The following DRD2 variants were observed in gnomAD, a reference collection of about 807,000 sequenced individuals.
DRD2 encodes the protein D(2) dopamine receptor.
In DRD2, 8 loss-of-function variants were observed where a neutral mutation model predicts 38.0. That is an observed-to-expected ratio of 0.21 (90% CI 0.12 to 0.38). The LOEUF (loss-of-function observed/expected upper bound fraction) is 0.38, where lower values mean the gene tolerates loss of function less well. Among genes scored for constraint, DRD2 ranks in the 10% least tolerant of loss-of-function variants. DRD2 has a pLI of 1.00. For synonymous variants in DRD2, 230 were observed against 238.6 expected, an observed-to-expected ratio of 0.96 and a Z score of 0.33; for missense variants, 403 against 607.7, an observed-to-expected ratio of 0.66 and a Z score of 3.54.
At chr11:113,444,511 G>A (rs56081662) in intron 1 of DRD2, among the ~76,000 whole-genome samples, 3,037 of 152,298 alleles carry the variant, frequency 0.02, 117 homozygotes, top group African/African-American at 0.068. Context: ...GGCTTCTGCT[G>A]TACTGACTGG....
chr11:113,414,393 T>G lies in DRD2; in HGVS notation c.792A>C (p.Pro264=), dbSNP rs779028640. ...TVIMKSNGSF[P]VNRRRVEAAR... Reference sequence around the variant, plus strand: ...CACTTACCACTCTCCGCCTGTTCACTGGGAAACTCCCATTAGACTTCATGA... The same window carrying G: ...CACTTACCACTCTCCGCCTGTTCACGGGGAAACTCCCATTAGACTTCATGA... The change falls in exon 6 of 8, where the codon CCA becomes CCC. Residue 264 remains proline (P), a synonymous_variant. Transcript: ENST00000362072. 3.1e-6 allele frequency: 5 copies of G among 1,614,090 alleles called. No individual in the cohort carries two copies. In the Admixed American group the frequency reaches 6.7e-5, roughly 22 times the overall value.
intron 1 of DRD2, among the ~76,000 whole-genome samples, chr11:113,429,132 G>A (rs924544226): frequency 7.2e-5 from 11 of 152,154 alleles, no homozygotes; most frequent in African/African-American, 2.2e-4. Context: ...TAATACAAAC[G>A]TAGTATATTT....
Position 113,410,639 on chromosome 11 carries a change from G to A in DRD2, c.*88C>T. On this transcript the variant is annotated 3_prime_UTR_variant, in exon 8 of 8. Transcript: ENST00000362072. ...GTGAAGAGGAGGCCGATCCACCCAGGCCTTCCTGCTCACGGTTCGCAAGGG... is the reference window on the plus strand; with the variant it reads ...GTGAAGAGGAGGCCGATCCACCCAGACCTTCCTGCTCACGGTTCGCAAGGG... 2 of 1,547,616 alleles carry A rather than the reference G, an allele frequency of 1.3e-6. No individual in the cohort carries two copies. The highest frequency in any genetic ancestry group is 1.8e-6 in the Non-Finnish European group (2 of 1,122,174).
intron 4 of DRD2, 81 bp from the exon 5 acceptor site, chr11:113,415,692 C>T: frequency 6.7e-7 from 1 of 1,491,038 alleles, no homozygotes; most frequent in Non-Finnish European, 9.1e-7. Context: ...TCATGTCCTT[C>T]CAGGAACAAG....
Position 113,414,422 on chromosome 11 carries a change from C to T in DRD2, c.763G>A (p.Val255Ile), listed in dbSNP as rs772612900. Residue 255 changes from valine to isoleucine, a missense_variant, in exon 6 of 8, where the codon GTT becomes ATT. This residue lies in a region of DRD2 where 166 missense variants were observed against 178.6 expected (regional missense o/e 0.93). Transcript: ENST00000362072. ...AAACTCCCATTAGACTTCATGATAA[C>T]GGTGCAGAGTTTCATGTCCTCGGGG... ...THPEDMKLCT[V>I]IMKSNGSFPV... 5.0e-6 allele frequency: 8 copies of T among 1,614,084 alleles called. No homozygotes were observed. Among genetic ancestry groups the T allele is most frequent in the Admixed American group, 3.3e-5 (2 of 60,010 alleles).
chr11:113,452,387 C>T (rs987064031), intron 1 of DRD2, among the ~76,000 whole-genome samples: 3 of 151,820 alleles, frequency 2.0e-5, no homozygotes, highest in Non-Finnish European at 4.4e-5. Flanking sequence ...AAGTTTAGCC[C>T]TTGCTTTCCA....
intron 6 of DRD2, chr11:113,413,434 T>C: frequency 2.0e-6 from 1 of 495,284 alleles, no homozygotes; most frequent in Non-Finnish European, 4.1e-6. Context: ...CCTGCTGGGG[T>C]GACCTAGAGA....
rs116891622 is a variant in DRD2, at chr11:113,468,354, T to C, written c.-32+6722A>G. On this transcript the variant is annotated intron_variant, in intron 1 of 7. Transcript: ENST00000362072. ...ACTAAATATTGATATATGTCATTCA[T>C]AAAACTCATGGTGAGGCTCAACAAC... Among the ~76,000 whole-genome samples the C allele has an allele frequency of 1.9e-3, 294 of 152,316 alleles. 1 individual carries two copies. Among genetic ancestry groups the C allele is most frequent in the Middle Eastern group, 3.4e-3 (1 of 294 alleles).
At chr11:113,452,005 C>G (rs185879517) in intron 1 of DRD2, among the ~76,000 whole-genome samples, 77 of 152,268 alleles carry the variant, frequency 5.1e-4, no homozygotes, top group East Asian at 7.7e-4. Context: ...CCTCTGGCCC[C>G]CTCCAGCCCA....
intron 2 of DRD2, among the ~76,000 whole-genome samples, chr11:113,421,901 T>C (rs539075620): frequency 3.5e-4 from 54 of 152,290 alleles, no homozygotes; most frequent in Non-Finnish European, 6.5e-4. Flanking sequence ...CCCTGCCCTC[T>C]GAGAATGGCT....
intron 1 of DRD2, among the ~76,000 whole-genome samples, chr11:113,459,032 G>C (rs1249947898): frequency 6.6e-6 from 1 of 152,204 alleles, no homozygotes; most frequent in African/African-American, 2.4e-5. Context: ...TATTGTATCA[G>C]ACAGATCTAG....
chr11:113,458,220 T>C (rs1195704989), intron 1 of DRD2, among the ~76,000 whole-genome samples: 2 of 152,228 alleles, frequency 1.3e-5, no homozygotes, highest in Non-Finnish European at 2.9e-5. Context: ...TAACACACAG[T>C]GTATGGGCTT....
rs544968082 is a variant in DRD2 at position 113,475,363 on chromosome 11, G to A, written c.-319C>T. The A allele has an allele frequency of 6.1e-3, 919 of 150,816 alleles. 6 individuals are homozygous for A. Among genetic ancestry groups the A allele is most frequent in the Middle Eastern group, 0.041 (12 of 292 alleles). The allele number at this position is 150,816 out of a possible 1,614,324, so 9.3% of individuals were successfully genotyped here. ...GGGAGCGCGGGGACGGGGCGGAGGC[G>A]GCGCGGTGCGCGCGTGAGGCTGCCG... On this transcript the variant is annotated 5_prime_UTR_variant, in exon 1 of 8. Coordinates refer to ENST00000362072, the MANE Select transcript of DRD2 (RefSeq NM_000795.4).
At chr11:113,415,397 G>A (rs780041167) in intron 5 of DRD2, 24 bp downstream of exon 5, 3 of 1,600,242 alleles carry the variant, frequency 1.9e-6, no homozygotes, top group East Asian at 4.5e-5. Flanking sequence ...GACCCTTGGA[G>A]TTGGTTGGGG....
In DRD2 at chr11:113,424,377, A is replaced by G; in HGVS notation, c.275T>C (p.Val92Ala). The change falls in exon 2 of 8, where the codon GTC (valine) becomes GCC (alanine). Residue 92 changes from valine (V) to alanine (A), a missense_variant. Coordinates refer to ENST00000362072, the MANE Select transcript of DRD2 (RefSeq NM_000795.4). ...LVATLVMPWVVYLEVVGEWKF... is the reference protein window; with the variant it reads ...LVATLVMPWVAYLEVVGEWKF... Reference sequence around the variant, plus strand: ...AGGGGGCCCACCTACCTCCAGGTAGACAACCCAGGGCATGACCAGTGTGGC... The same window carrying G: ...AGGGGGCCCACCTACCTCCAGGTAGGCAACCCAGGGCATGACCAGTGTGGC... 6.2e-7 allele frequency: 1 copy of G among 1,614,152 alleles called. No individual in the cohort carries two copies. The highest frequency in any genetic ancestry group is 8.5e-7 in the Non-Finnish European group (1 of 1,180,018).
At chr11:113,423,965 A>G (rs1382557188) in intron 2 of DRD2, among the ~76,000 whole-genome samples, 1 of 152,136 alleles carries the variant, frequency 6.6e-6, no homozygotes, top group African/African-American at 2.4e-5. Flanking sequence ...AATATGACCT[A>G]AGGAACTAAC....
At chr11:113,462,092 C>A (rs767433703) in intron 1 of DRD2, among the ~76,000 whole-genome samples, 1 of 152,194 alleles carries the variant, frequency 6.6e-6, no homozygotes, top group Non-Finnish European at 1.5e-5. Flanking sequence ...GTACTAATTG[C>A]TTTCTTTCTT....
At chr11:113,414,531 C>T (rs1401826544) in intron 5 of DRD2, 70 bp from the exon 6 acceptor site, 5 of 1,529,544 alleles carry the variant, frequency 3.3e-6, no homozygotes, top group Non-Finnish European at 4.5e-6. Flanking sequence ...ACCCAAAGTG[C>T]AGCAGTCCAT....
chr11:113,410,627 C>T lies in DRD2; in HGVS notation c.*100G>A, dbSNP rs145419243. 4.7e-5 allele frequency: 70 copies of T among 1,487,214 alleles called. No homozygotes were observed. In the East Asian group the frequency reaches 5.4e-4, roughly 12 times the overall value. 92.1% of individuals were successfully genotyped at this position (1,487,214 alleles called of 1,614,324 possible). On this transcript the variant is annotated 3_prime_UTR_variant, in exon 8 of 8. Coordinates refer to ENST00000362072, the MANE Select transcript of DRD2 (RefSeq NM_000795.4). ...GGGCCTGCCGGGGTGAAGAGGAGGCCGATCCACCCAGGCCTTCCTGCTCAC... is the reference window on the plus strand; with the variant it reads ...GGGCCTGCCGGGGTGAAGAGGAGGCTGATCCACCCAGGCCTTCCTGCTCAC...
Sources: allele counts gnomAD v4.1 joint callset (sites outside exome capture counted in the v4.1 genomes callset), GRCh38; gene constraint gnomAD v4.1.1; regional missense constraint gnomAD v4.1.1; transcripts MANE v1.5; gene names NCBI Gene and HGNC (gene_info 2026-07-23, HGNC 2026-07-21).